Variants in ABCC1 observed in about 807,000 individuals in gnomAD.
ABCC1 encodes the protein ATP binding cassette subfamily C member 1 (ABCC1 blood group).
A neutral mutation model predicts 172.9 loss-of-function variants in ABCC1; 83 were observed. That is an observed-to-expected ratio of 0.48 (90% CI 0.40 to 0.58). The LOEUF (loss-of-function observed/expected upper bound fraction) is 0.58. Ranked by LOEUF, ABCC1 falls within the 20% of genes least tolerant of loss-of-function variation. ABCC1 has a pLI of 0.00. For synonymous variants in ABCC1, 937 were observed against 825.2 expected (o/e 1.14, Z -2.32); for missense variants, 1,817 against 2,002.7 (o/e 0.91, Z 1.77).
intron 5 of ABCC1, among the ~76,000 whole-genome samples, chr16:16,022,985 C>G (rs1043828056): frequency 1.3e-5 from 2 of 152,192 alleles, no homozygotes; most frequent in African/African-American, 4.8e-5. Context: ...GATCATAGCT[C>G]ACTGCAGCCT....
intron 1 of ABCC1, among the ~76,000 whole-genome samples, chr16:15,952,281 C>T (rs1356509637): frequency 3.3e-5 from 5 of 152,152 alleles, no homozygotes; most frequent in Non-Finnish European, 5.9e-5. Flanking sequence ...GCTCCTTGTT[C>T]TTCCTTTGGA....
intron 3 of ABCC1, among the ~76,000 whole-genome samples, chr16:16,012,766 T>C (rs1433859462): frequency 6.6e-6 from 1 of 150,626 alleles, no homozygotes. Flanking sequence ...CACTGCAACC[T>C]CTGCCTCCCG....
chr16:16,077,069 A>G (rs1484591100), intron 15 of ABCC1, among the ~76,000 whole-genome samples: 1 of 152,140 alleles, frequency 6.6e-6, no homozygotes, highest in South Asian at 2.1e-4. Flanking sequence ...TTTCCAAAGC[A>G]CATGATGTCT....
At position 16,063,279 on chromosome 16, in the gene ABCC1, T is replaced by G. The variant is rs181890375; in HGVS notation, c.1678-4877T>G. On this transcript the variant is annotated intron_variant, in intron 12 of 30. Coordinates refer to ENST00000399410, the MANE Select transcript of ABCC1 (RefSeq NM_004996.4). Reference sequence around the variant, plus strand: ...GCGCCACCACACCTGGCTAATTTTTTGTCTTTTTAGTAGAGATGGGGTTTC... The same window carrying G: ...GCGCCACCACACCTGGCTAATTTTTGGTCTTTTTAGTAGAGATGGGGTTTC... 3.4e-3 allele frequency among the ~76,000 whole-genome samples: 514 copies of G among 152,212 alleles called. 1 individual carries two copies. The highest frequency in any genetic ancestry group is 0.012 in the African/African-American group (497 of 41,516).
intron 1 of ABCC1, among the ~76,000 whole-genome samples, chr16:15,952,448 C>G (rs1215118735): frequency 6.6e-6 from 1 of 152,024 alleles, no homozygotes; most frequent in Non-Finnish European, 1.5e-5. Context: ...GGGCTACTGT[C>G]TGCCTCTGAG....
rs186948500 is a variant in ABCC1 at position 16,097,655 on chromosome 16, G to A, written c.2645-4972G>A. ...CCTCTCAGGTCTGCTTTAGAAAGCA[G>A]CTTTGTCAGTCCTGCCTATGAGAGG... On this transcript the variant is annotated intron_variant, in intron 19 of 30. Transcript: ENST00000399410. 5.3e-5 allele frequency among the ~76,000 whole-genome samples: 8 copies of A among 152,324 alleles called. No homozygotes were observed. The East Asian group carries it at 1.5e-3, about 29-fold the overall frequency.
At chr16:16,112,212 C>G (rs1394186138) in intron 22 of ABCC1, among the ~76,000 whole-genome samples, 2 of 151,962 alleles carry the variant, frequency 1.3e-5, no homozygotes, top group Non-Finnish European at 2.9e-5. Context: ...ATAAAATAAA[C>G]TACAGGTCAC....
intron 1 of ABCC1, among the ~76,000 whole-genome samples, chr16:15,983,011 A>T (rs1403114180): frequency 6.6e-6 from 1 of 152,118 alleles, no homozygotes. Context: ...ATAATGTATA[A>T]GGTAACATAT....
chr16:15,985,118 T>A (rs1013160587), intron 1 of ABCC1, among the ~76,000 whole-genome samples: 1 of 152,002 alleles, frequency 6.6e-6, no homozygotes, highest in Non-Finnish European at 1.5e-5. Context: ...AAAAACAGAG[T>A]CATATATTTC....
intron 7 of ABCC1, among the ~76,000 whole-genome samples, chr16:16,044,191 CTG>C (rs924628370): frequency 2.6e-4 from 39 of 152,332 alleles, no homozygotes; most frequent in African/African-American, 8.9e-4. Flanking sequence ...GAGGAGGAAA[CTG>C]AGGCCCAGAG....
chr16:16,124,708 C>G, intron 24 of ABCC1, 81 bp from the exon 25 acceptor site: 1 of 1,590,740 alleles, frequency 6.3e-7, no homozygotes, highest in African/African-American at 1.3e-5. Context: ...AAAGAATCCC[C>G]TTCCTCCCCC....
chr16:16,007,150 TA>T lies in ABCC1; in HGVS notation c.49-664del, dbSNP rs2047570933. Among the ~76,000 whole-genome samples the T allele has an allele frequency of 2.0e-5, 3 of 152,012 alleles. No individual in the cohort carries two copies. In the South Asian group the frequency reaches 6.2e-4, roughly 32 times the overall value. ...ACTTGCCACAGGTTCTGGGGACTGT[TA>T]ATGTGAGATGAGATGCTACATACCT... On this transcript the variant is annotated intron_variant, in intron 1 of 30. Coordinates refer to ENST00000399410, the MANE Select transcript of ABCC1 (RefSeq NM_004996.4).
chr16:15,965,297 T>C (rs1013949046), intron 1 of ABCC1, among the ~76,000 whole-genome samples: 7 of 151,276 alleles, frequency 4.6e-5, no homozygotes, highest in Non-Finnish European at 1.0e-4. Context: ...TTTTTTTTTT[T>C]ATTATTATTT....
rs4148350 is a variant in ABCC1, at chr16:16,076,620, G to T, written c.1988+219G>T. Reference sequence around the variant, plus strand: ...CATGCCTAGCACAGAGGGTTCCCTGGGATTGTAAGTTACAGCAGCCTTGGA... The same window carrying T: ...CATGCCTAGCACAGAGGGTTCCCTGTGATTGTAAGTTACAGCAGCCTTGGA... On this transcript the variant is annotated intron_variant, in intron 15 of 30. Coordinates refer to ENST00000399410, the MANE Select transcript of ABCC1 (RefSeq NM_004996.4). 0.074 allele frequency among the ~76,000 whole-genome samples: 11,312 copies of T among 152,226 alleles called. 456 individuals carry two copies. The highest frequency in any genetic ancestry group is 0.11 in the African/African-American group (4,495 of 41,516).
intron 12 of ABCC1, among the ~76,000 whole-genome samples, chr16:16,060,647 G>T (rs147916831): frequency 0.013 from 1,963 of 151,662 alleles, 34 homozygotes; most frequent in African/African-American, 0.045. Flanking sequence ...TCAGTCCCCC[G>T]ACTAGCTGGG....
At chr16:16,012,688 CTT>C (rs975934305) in intron 3 of ABCC1, among the ~76,000 whole-genome samples, 1 of 131,808 alleles carries the variant, frequency 7.6e-6, no homozygotes, top group African/African-American at 3.2e-5. Flanking sequence ...TGTTCCTGGT[CTT>C]TTTTTTTTTT....
intron 20 of ABCC1, among the ~76,000 whole-genome samples, chr16:16,105,712 TTC>T (rs1430778833): frequency 7.3e-6 from 1 of 137,170 alleles, no homozygotes; most frequent in African/African-American, 2.8e-5. Context: ...TTCTTTTCTT[TTC>T]TTTTTTTTTT....
intron 19 of ABCC1, among the ~76,000 whole-genome samples, chr16:16,100,552 A>C (rs940787477): frequency 2.6e-5 from 4 of 152,152 alleles, no homozygotes; most frequent in Non-Finnish European, 5.9e-5. Context: ...TGATGTGGCT[A>C]TTTGTGTTTT....
intron 28 of ABCC1, 112 bp downstream of exon 28, chr16:16,134,620 T>G (rs2045843739): frequency 7.2e-6 from 5 of 693,730 alleles, no homozygotes; most frequent in Non-Finnish European, 6.5e-6. Flanking sequence ...CCCTACTTCA[T>G]CGTTCTTTTT....
Sources: allele counts gnomAD v4.1 joint callset (sites outside exome capture counted in the v4.1 genomes callset), GRCh38; gene constraint gnomAD v4.1.1; transcripts MANE v1.5; gene names NCBI Gene and HGNC (gene_info 2026-07-23, HGNC 2026-07-21).